Variants in ITPR2 observed in about 807,000 individuals in gnomAD.
ITPR2 encodes inositol 1,4,5-trisphosphate receptor type 2.
In ITPR2, 207 loss-of-function variants were observed where a neutral mutation model predicts 317.1. That is an observed-to-expected ratio of 0.65 (90% CI 0.58 to 0.73). ITPR2 has a LOEUF of 0.73. Among genes scored for constraint, ITPR2 ranks in the 30% least tolerant of loss-of-function variants. The pLI is 0.00. For synonymous variants in ITPR2, 1,156 were observed against 1,149.1 expected (o/e 1.01, Z -0.12); for missense variants, 2,613 against 3,284.0 (o/e 0.80, Z 4.99).
intron 2 of ITPR2, among the ~76,000 whole-genome samples, chr12:26,727,713 C>A (rs1216354607): frequency 6.6e-6 from 1 of 152,170 alleles, no homozygotes; most frequent in Non-Finnish European, 1.5e-5. Context: ...AAGCCTCAGA[C>A]CCTGTCCTCA....
At chr12:26,737,930 C>G (rs865858986) in intron 2 of ITPR2, among the ~76,000 whole-genome samples, 2 of 152,094 alleles carry the variant, frequency 1.3e-5, no homozygotes, top group Non-Finnish European at 2.9e-5. Flanking sequence ...TGGTAAGATA[C>G]TCCCAGATTA....
intron 2 of ITPR2, among the ~76,000 whole-genome samples, chr12:26,748,702 T>C (rs987838318): frequency 1.3e-5 from 2 of 152,208 alleles, no homozygotes; most frequent in Non-Finnish European, 2.9e-5. Context: ...GCTTAAGTTA[T>C]TTTTTAAACT....
chr12:26,465,474 A>T (rs1172604677), intron 45 of ITPR2, among the ~76,000 whole-genome samples: 1 of 152,208 alleles, frequency 6.6e-6, no homozygotes, highest in African/African-American at 2.4e-5. Context: ...CTTTTGCTAT[A>T]AAAGACAGCA....
At chr12:26,586,815 A>C (rs1312943473) in intron 32 of ITPR2, among the ~76,000 whole-genome samples, 1 of 152,176 alleles carries the variant, frequency 6.6e-6, no homozygotes, top group Non-Finnish European at 1.5e-5. Flanking sequence ...GGGTGGGTAA[A>C]ATACAGCACA....
chr12:26,400,164 A>G lies in ITPR2; in HGVS notation c.7494T>C (p.Gly2498=). The G allele has an allele frequency of 6.2e-7, 1 of 1,611,638 alleles. No individual in the cohort carries two copies. The highest frequency in any genetic ancestry group is 8.5e-7 in the Non-Finnish European group (1 of 1,178,394). The change falls in exon 53 of 57, where the codon GGT becomes GGC. Residue 2498 remains glycine (G), a synonymous_variant. Coordinates refer to ENST00000381340, the MANE Select transcript of ITPR2 (RefSeq NM_002223.4). The part of the protein sequence containing the change: ...TVLNQGLRNG[G]GVGDVLRRPS... The stretch of plus-strand genomic sequence containing the variant: ...GCCTTCTTAGCACATCCCCCACACC[A>G]CCGCCATTCCTGAGGCCCTGGTTCA...
At chr12:26,467,118 T>C (rs974828623) in intron 45 of ITPR2, among the ~76,000 whole-genome samples, 2 of 152,204 alleles carry the variant, frequency 1.3e-5, no homozygotes, top group Admixed American at 1.3e-4. Context: ...GTCTGAGTGA[T>C]AGATACATTT....
chr12:26,652,367 A>G (rs1167703112), intron 21 of ITPR2, among the ~76,000 whole-genome samples: 1 of 152,234 alleles, frequency 6.6e-6, no homozygotes, highest in Non-Finnish European at 1.5e-5. Flanking sequence ...AAAGGAATTG[A>G]GATTTGGGCA....
intron 22 of ITPR2, 118 bp from the exon 23 acceptor site, chr12:26,628,280 G>C: frequency 1.5e-6 from 1 of 677,204 alleles, no homozygotes. Flanking sequence ...CTAGTTAGAA[G>C]CTTTTAACAC....
chr12:26,547,559 C>T (rs1359754126), intron 37 of ITPR2, among the ~76,000 whole-genome samples: 1 of 152,178 alleles, frequency 6.6e-6, no homozygotes, highest in Non-Finnish European at 1.5e-5. Flanking sequence ...GAGTATTTAT[C>T]CAAGGAAAAG....
chr12:26,511,209 G>A (rs1418149937), intron 37 of ITPR2, among the ~76,000 whole-genome samples: 1 of 152,186 alleles, frequency 6.6e-6, no homozygotes, highest in African/African-American at 2.4e-5. Flanking sequence ...AGTGGAACAG[G>A]AGCATCCTTC....
intron 9 of ITPR2, among the ~76,000 whole-genome samples, chr12:26,698,431 G>A (rs116609289): frequency 2.3e-4 from 35 of 152,262 alleles, no homozygotes; most frequent in African/African-American, 7.7e-4. Flanking sequence ...GAATCTCAAA[G>A]ACATTAAGTG....
intron 49 of ITPR2, among the ~76,000 whole-genome samples, chr12:26,421,664 G>A (rs192872648): frequency 4.6e-5 from 7 of 152,312 alleles, no homozygotes; most frequent in African/African-American, 1.4e-4. Flanking sequence ...TGCCATTATA[G>A]CAAGGGTCCA....
At chr12:26,622,094 A>G in intron 25 of ITPR2, 146 bp downstream of exon 25, 4 of 584,086 alleles carry the variant, frequency 6.8e-6, no homozygotes, top group Non-Finnish European at 1.1e-5. Flanking sequence ...TGGCATAGAC[A>G]AGGCCATGTC....
chr12:26,653,631 A>C (rs1004802297), intron 21 of ITPR2, among the ~76,000 whole-genome samples: 5 of 152,220 alleles, frequency 3.3e-5, no homozygotes, highest in African/African-American at 4.8e-5. Flanking sequence ...ATTTGTAAAA[A>C]TAAAAGAGGC....
At chr12:26,544,771 A>T (rs1038691525) in intron 37 of ITPR2, among the ~76,000 whole-genome samples, 18 of 152,068 alleles carry the variant, frequency 1.2e-4, no homozygotes, top group African/African-American at 3.9e-4. Context: ...TTCTGTTTTG[A>T]TTTAATTCTG....
intron 49 of ITPR2, among the ~76,000 whole-genome samples, chr12:26,420,920 A>C (rs1404860765): frequency 2.0e-5 from 3 of 152,172 alleles, no homozygotes; most frequent in African/African-American, 7.2e-5. Context: ...AATGTGTACT[A>C]TTTACCTTGA....
intron 43 of ITPR2, among the ~76,000 whole-genome samples, chr12:26,479,734 A>G (rs188585907): frequency 1.3e-5 from 2 of 152,282 alleles, no homozygotes; most frequent in Non-Finnish European, 2.9e-5. Flanking sequence ...GCTTATACAC[A>G]TTACAACTGA....
chr12:26,704,270 T>G (rs1227938070), intron 9 of ITPR2, among the ~76,000 whole-genome samples: 3 of 152,220 alleles, frequency 2.0e-5, no homozygotes, highest in African/African-American at 7.2e-5. Flanking sequence ...TATGTTAAAA[T>G]ATTCTAATAA....
chr12:26,658,403 TG>T (rs1394964661), intron 16 of ITPR2, among the ~76,000 whole-genome samples: 15 of 152,230 alleles, frequency 9.9e-5, no homozygotes, highest in Non-Finnish European at 8.8e-5. Flanking sequence ...CCGTGACTTA[TG>T]TTTAGAAAAT....
Sources: allele counts gnomAD v4.1 joint callset (sites outside exome capture counted in the v4.1 genomes callset), GRCh38; gene constraint gnomAD v4.1.1; transcripts MANE v1.5; gene names NCBI Gene and HGNC (gene_info 2026-07-23, HGNC 2026-07-21).